ZNF589: variants seen among roughly 807,000 people sequenced by gnomAD.
The protein encoded by ZNF589 is KRAB-zinc finger protein SZF1-1.
A neutral mutation model predicts 13.6 loss-of-function variants in ZNF589; 17 were observed. The ratio of observed to expected loss-of-function variants is 1.25; its 90% CI spans 0.86 to 1.88. The LOEUF is 1.88. Among genes scored for constraint, ZNF589 ranks in the 40% most tolerant of loss-of-function variants. The probability of loss-of-function intolerance (pLI) is 0.00; values close to 1 mark genes in which losing one functional copy is unlikely to be tolerated. For synonymous variants in ZNF589, 148 were observed against 161.6 expected (o/e 0.92, Z 0.64); for missense variants, 407 against 434.0 (o/e 0.94, Z 0.55).
chr3:48,247,699 CTT>C lies in ZNF589; in HGVS notation c.96+25_96+26del, dbSNP rs371140466. 961 of 1,611,198 alleles carry C rather than the reference CTT, an allele frequency of 6.0e-4. 4 individuals carry two copies. The African/African-American group carries it at 0.011, about 19-fold the overall frequency. On this transcript the variant is annotated intron_variant, in intron 2 of 3. Coordinates refer to ENST00000354698, the MANE Select transcript of ZNF589 (RefSeq NM_016089.3). The stretch of plus-strand genomic sequence containing the variant: ...TCTGGTGAGTTGGGCCCGCCCTTCT[CTT>C]TTCTGAAATGCTGGCTCATTTCTCA...
chr3:48,261,292 T>G (rs183580191), intron 3 of ZNF589, among the ~76,000 whole-genome samples: 1 of 152,204 alleles, frequency 6.6e-6, no homozygotes, highest in Non-Finnish European at 1.5e-5. Context: ...TATGAGGAAG[T>G]ACATTTGAGC....
chr3:48,245,017 G>A (rs546651235), intron 1 of ZNF589, among the ~76,000 whole-genome samples: 3 of 152,130 alleles, frequency 2.0e-5, no homozygotes, highest in Non-Finnish European at 2.9e-5. Flanking sequence ...GTTTCACCAT[G>A]TTGGCCAGGC....
At chr3:48,247,475 C>G (rs2033781663) in intron 1 of ZNF589, 150 bp from the exon 2 acceptor site, 1 of 657,414 alleles carries the variant, frequency 1.5e-6, no homozygotes. Context: ...GAAGTTGACT[C>G]AAGCATAAGG....
At chr3:48,261,323 G>T (rs2033968001) in intron 3 of ZNF589, among the ~76,000 whole-genome samples, 2 of 152,228 alleles carry the variant, frequency 1.3e-5, no homozygotes, top group African/African-American at 2.4e-5. Context: ...AGGAGGTGAG[G>T]AGGTTGGATA....
Position 48,269,045 on chromosome 3 carries a change from G to A in ZNF589, c.*259G>A. 1.5e-6 allele frequency: 1 copy of A among 663,304 alleles called. No individual in the cohort carries two copies. Among genetic ancestry groups the A allele is most frequent in the Non-Finnish European group, 2.6e-6 (1 of 382,784 alleles). 41.1% of individuals were successfully genotyped at this position (663,304 alleles called of 1,614,324 possible). On this transcript the variant is annotated 3_prime_UTR_variant, in exon 4 of 4. Coordinates refer to ENST00000354698, the MANE Select transcript of ZNF589 (RefSeq NM_016089.3). ...TTATGTGTGTGGGGAATGTGGGCGG[G>A]GATTTAGCCGGAGGATAGTCCTCAA...
intron 1 of ZNF589, among the ~76,000 whole-genome samples, chr3:48,244,963 C>T (rs1172959803): frequency 2.0e-5 from 3 of 151,908 alleles, no homozygotes; most frequent in African/African-American, 4.8e-5. Context: ...TACAGGCATG[C>T]GCCACCACAC....
At chr3:48,241,305 T>A (rs1228552344) in intron 1 of ZNF589, 91 bp downstream of exon 1, 1 of 1,515,442 alleles carries the variant, frequency 6.6e-7, no homozygotes, top group African/African-American at 1.4e-5. Context: ...GGGATGCGCG[T>A]GGGGTGCGAG....
intron 3 of ZNF589, among the ~76,000 whole-genome samples, chr3:48,267,255 C>T (rs1225908233): frequency 6.6e-6 from 1 of 152,194 alleles, no homozygotes; most frequent in Non-Finnish European, 1.5e-5. Flanking sequence ...CATTTAGCTG[C>T]ACTTTCCTAA....
chr3:48,253,657 G>A (rs1299043065), intron 2 of ZNF589, among the ~76,000 whole-genome samples: 2 of 151,812 alleles, frequency 1.3e-5, no homozygotes, highest in East Asian at 3.9e-4. Context: ...CTGCCACCAC[G>A]CTAGGCTAAT....
chr3:48,268,164 C>G lies in ZNF589; in HGVS notation c.473C>G (p.Thr158Arg). ...EGGVRPLFWS[T>R]NERGALVGFS... ...GGCGTCAGACCCTTGTTTTGGAGTA[C>G]AAATGAAAGGGGGGCTTTAGTGGGT... Residue 158 changes from threonine (T) to arginine (R), a missense_variant, in exon 4 of 4, where the codon ACA becomes AGA. Coordinates refer to ENST00000354698, the MANE Select transcript of ZNF589 (RefSeq NM_016089.3). The G allele has an allele frequency of 6.2e-7, 1 of 1,613,058 alleles. No homozygotes were observed. The highest frequency in any genetic ancestry group is 8.5e-7 in the Non-Finnish European group (1 of 1,179,466).
intron 3 of ZNF589, among the ~76,000 whole-genome samples, chr3:48,264,337 G>A (rs924415633): frequency 4.6e-5 from 7 of 151,574 alleles, no homozygotes; most frequent in Non-Finnish European, 8.8e-5. Context: ...TTTCGAGACC[G>A]GCATGACCAA....
At chr3:48,241,288 T>TC in intron 1 of ZNF589, 74 bp downstream of exon 1, 4 of 1,572,650 alleles carry the variant, frequency 2.5e-6, no homozygotes, top group Non-Finnish European at 3.5e-6. Flanking sequence ...GTCGGCCGTA[T>TC]CCACCAGGGA....
chr3:48,250,075 C>T (rs1165803247), intron 2 of ZNF589, among the ~76,000 whole-genome samples: 1 of 151,666 alleles, frequency 6.6e-6, no homozygotes, highest in East Asian at 1.9e-4. Flanking sequence ...TTGCAGTGAG[C>T]CGAGATCGAG....
chr3:48,254,631 T>C (rs1232720358), intron 2 of ZNF589, among the ~76,000 whole-genome samples: 2 of 152,242 alleles, frequency 1.3e-5, no homozygotes, highest in Non-Finnish European at 2.9e-5. Context: ...AGATCATCTT[T>C]GATTTCTTTC....
intron 2 of ZNF589, among the ~76,000 whole-genome samples, chr3:48,249,732 C>T (rs948976837): frequency 2.6e-5 from 4 of 152,140 alleles, no homozygotes; most frequent in Admixed American, 6.5e-5. Context: ...GTATACCTTG[C>T]GTAATGATCA....
At chr3:48,263,132 G>A (rs193216887) in intron 3 of ZNF589, among the ~76,000 whole-genome samples, 4 of 150,014 alleles carry the variant, frequency 2.7e-5, no homozygotes, top group South Asian at 4.2e-4. Context: ...TTTTTGAGAC[G>A]GAGTTTTGCT....
intron 2 of ZNF589, chr3:48,256,342 G>A: frequency 1.9e-6 from 1 of 526,262 alleles, no homozygotes; most frequent in South Asian, 1.5e-5. Context: ...AAGCTCTTCT[G>A]TCTGTGAGTG....
intron 1 of ZNF589, among the ~76,000 whole-genome samples, chr3:48,245,869 C>G (rs1487287886): frequency 6.6e-6 from 1 of 151,748 alleles, no homozygotes; most frequent in Non-Finnish European, 1.5e-5. Context: ...ATTGCTTGAA[C>G]CCAGGAGGCG....
chr3:48,267,224 C>T (rs753517602), intron 3 of ZNF589, among the ~76,000 whole-genome samples: 19 of 152,204 alleles, frequency 1.2e-4, no homozygotes, highest in Non-Finnish European at 2.4e-4. Flanking sequence ...TTCCACAAGT[C>T]GGCAAATACA....
Sources: allele counts gnomAD v4.1 joint callset (sites outside exome capture counted in the v4.1 genomes callset), GRCh38; gene constraint gnomAD v4.1.1; transcripts MANE v1.5; gene names NCBI Gene and HGNC (gene_info 2026-07-23, HGNC 2026-07-21).